The following ACSS3 variants were observed in gnomAD, a reference collection of about 807,000 sequenced individuals.
The protein encoded by ACSS3 is acyl-CoA synthetase short chain family member 3.
A neutral mutation model predicts 84.2 loss-of-function variants in ACSS3; 64 were observed. That is an observed-to-expected ratio of 0.76 (90% CI 0.62 to 0.94). The LOEUF (loss-of-function observed/expected upper bound fraction) is 0.94. Among genes scored for constraint, ACSS3 ranks in the 40% least tolerant of loss-of-function variants. The pLI is 0.00. For synonymous variants in ACSS3, 317 were observed against 310.1 expected (o/e 1.02, Z -0.23); for missense variants, 815 against 867.6 (o/e 0.94, Z 0.76).
intron 8 of ACSS3, among the ~76,000 whole-genome samples, chr12:81,181,199 A>G (rs564452662): frequency 4.6e-5 from 7 of 152,132 alleles, no homozygotes; most frequent in Non-Finnish European, 1.0e-4. Context: ...TAAAGCCCTT[A>G]TCATAATAGC....
At chr12:81,238,581 G>A (rs543315243) in intron 13 of ACSS3, among the ~76,000 whole-genome samples, 2 of 151,792 alleles carry the variant, frequency 1.3e-5, no homozygotes, top group East Asian at 3.9e-4. Context: ...ATTTCTTCCT[G>A]TGTAACTTTT....
intron 1 of ACSS3, among the ~76,000 whole-genome samples, chr12:81,079,204 G>GTT (rs1211576376): frequency 2.0e-5 from 3 of 152,150 alleles, no homozygotes; most frequent in Non-Finnish European, 4.4e-5. Context: ...ATTATAAGAA[G>GTT]TTATAAGCAT....
chr12:81,139,664 T>G (rs1885991966), intron 4 of ACSS3, among the ~76,000 whole-genome samples: 1 of 148,830 alleles, frequency 6.7e-6, no homozygotes, highest in South Asian at 2.1e-4. Context: ...TGAGACAGAG[T>G]CTCACTCTGT....
At chr12:81,246,886 C>T (rs1360317288) in intron 13 of ACSS3, among the ~76,000 whole-genome samples, 1 of 152,142 alleles carries the variant, frequency 6.6e-6, no homozygotes, top group African/African-American at 2.4e-5. Flanking sequence ...ACTCCTGTGA[C>T]ATGAGTTTAT....
intron 13 of ACSS3, among the ~76,000 whole-genome samples, chr12:81,242,260 G>A: frequency 6.6e-6 from 1 of 152,172 alleles, no homozygotes; most frequent in Non-Finnish European, 1.5e-5. Context: ...AAATCTAGAA[G>A]AAATGGATAA....
intron 2 of ACSS3, among the ~76,000 whole-genome samples, chr12:81,111,151 G>T (rs1046127267): frequency 1.1e-4 from 17 of 152,248 alleles, no homozygotes; most frequent in South Asian, 8.3e-4. Context: ...TATGAAAAGG[G>T]TAGACTGAAG....
intron 1 of ACSS3, among the ~76,000 whole-genome samples, chr12:81,100,826 A>C (rs1175072830): frequency 6.6e-6 from 1 of 152,168 alleles, no homozygotes; most frequent in Non-Finnish European, 1.5e-5. Context: ...GAGGATATGT[A>C]GTAAGTACCC....
At position 81,259,811 on chromosome 12, in the gene ACSS3, C is replaced by T. The variant is rs1053450123; in HGVS notation, c.*4889C>T. ...AATCATCTAGGATGTAGCCAACAGC[C>T]GTATGTAATTAACATTTGCTTTTCT... On this transcript the variant is annotated 3_prime_UTR_variant, in exon 16 of 16. Transcript: ENST00000548058. The T allele has an allele frequency of 1.5e-5, 8 of 519,788 alleles. No individual in the cohort carries two copies. The highest frequency in any genetic ancestry group is 3.7e-5 in the Admixed American group (1 of 27,164). 32.2% of individuals were successfully genotyped at this position (519,788 alleles called of 1,614,324 possible).
chr12:81,098,567 GTCC>G (rs1882257750), intron 1 of ACSS3, among the ~76,000 whole-genome samples: 1 of 152,082 alleles, frequency 6.6e-6, no homozygotes, highest in Non-Finnish European at 1.5e-5. Context: ...ACCTCACAGA[GTCC>G]TCATGAAGAT....
At chr12:81,099,676 G>A (rs755199593) in intron 1 of ACSS3, among the ~76,000 whole-genome samples, 11 of 152,012 alleles carry the variant, frequency 7.2e-5, no homozygotes, top group South Asian at 2.1e-4. Context: ...AAAGCTGTCC[G>A]TTACTCTCTG....
upstream of ACSS3, chr12:81,077,963 G>A: frequency 2.4e-6 from 2 of 845,898 alleles, no homozygotes; most frequent in Non-Finnish European, 3.4e-6. Context: ...GTCGCTCCAG[G>A]TCGGTTTTTC....
intron 2 of ACSS3, among the ~76,000 whole-genome samples, chr12:81,129,005 A>G (rs1885303083): frequency 6.6e-6 from 1 of 152,218 alleles, no homozygotes; most frequent in Non-Finnish European, 1.5e-5. Flanking sequence ...ACTACTGGAA[A>G]AGAAAATCGT....
intron 11 of ACSS3, among the ~76,000 whole-genome samples, chr12:81,221,790 G>A (rs992015621): frequency 6.6e-6 from 1 of 151,996 alleles, no homozygotes; most frequent in Admixed American, 6.6e-5. Flanking sequence ...CACGTTTGTG[G>A]GTGGATGTTT....
At chr12:81,243,713 A>G (rs1160066727) in intron 13 of ACSS3, among the ~76,000 whole-genome samples, 1 of 152,298 alleles carries the variant, frequency 6.6e-6, no homozygotes, top group Non-Finnish European at 1.5e-5. Context: ...CCACATATCT[A>G]CAACTATCTG....
chr12:81,138,787 T>C (rs767104358), intron 3 of ACSS3, among the ~76,000 whole-genome samples: 5 of 152,186 alleles, frequency 3.3e-5, no homozygotes, highest in African/African-American at 9.7e-5. Flanking sequence ...CCAGCTCTTA[T>C]TGGGGCCTTT....
intron 8 of ACSS3, among the ~76,000 whole-genome samples, chr12:81,192,994 G>A (rs2031650362): frequency 6.6e-6 from 1 of 151,862 alleles, no homozygotes; most frequent in African/African-American, 2.4e-5. Context: ...CTTGAAAAAG[G>A]GAGAGAGAGA....
chr12:81,090,595 A>G (rs73145396), intron 1 of ACSS3, among the ~76,000 whole-genome samples: 1 of 152,154 alleles, frequency 6.6e-6, no homozygotes, highest in Non-Finnish European at 1.5e-5. Flanking sequence ...CTATCCAATC[A>G]GAACCTCAAA....
chr12:81,247,493 G>A (rs2034020333), intron 13 of ACSS3, among the ~76,000 whole-genome samples: 2 of 152,036 alleles, frequency 1.3e-5, no homozygotes, highest in Non-Finnish European at 2.9e-5. Context: ...TAGAATTATT[G>A]GCATCTAACA....
chr12:81,103,047 A>G (rs1882659256), intron 1 of ACSS3, among the ~76,000 whole-genome samples: 3 of 152,222 alleles, frequency 2.0e-5, no homozygotes, highest in Admixed American at 2.0e-4. Flanking sequence ...TGCAGGAAAC[A>G]TCATCCTAGG....
Sources: gnomAD v4.1 joint callset for allele counts (sites outside exome capture counted in the v4.1 genomes callset) on GRCh38, gnomAD v4.1.1 for gene constraint, MANE v1.5 for transcripts, NCBI Gene and HGNC (gene_info 2026-07-23, HGNC 2026-07-21) for gene names.